Variants in TRIO observed in about 807,000 individuals in gnomAD.
TRIO encodes the protein triple functional domain protein.
A neutral mutation model predicts 351.9 loss-of-function variants in TRIO; 58 were observed. That is an observed-to-expected ratio of 0.16 (90% CI 0.13 to 0.21). The LOEUF (loss-of-function observed/expected upper bound fraction) is 0.21. Among genes scored for constraint, TRIO ranks in the 10% least tolerant of loss-of-function variants. The pLI, the probability that TRIO is intolerant of heterozygous loss-of-function variation, is 1.00. For missense variants in TRIO, 3,201 were observed against 4,027.8 expected (o/e 0.79, Z 5.56); for synonymous variants, 1,758 against 1,595.7 (o/e 1.10, Z -2.42).
intron 23 of TRIO, 88 bp from the exon 24 acceptor site, chr5:14,388,525 C>T (rs1746750396): frequency 7.9e-7 from 1 of 1,273,634 alleles, no homozygotes; most frequent in Non-Finnish European, 1.1e-6. Flanking sequence ...ACTTTTAGAC[C>T]CACTCTGTTA....
chr5:14,338,208 T>C (rs1312175330), intron 11 of TRIO, among the ~76,000 whole-genome samples: 2 of 152,178 alleles, frequency 1.3e-5, no homozygotes, highest in African/African-American at 4.8e-5. Context: ...AGAGTAATTT[T>C]TCTGAAATAG....
intron 11 of TRIO, among the ~76,000 whole-genome samples, chr5:14,343,884 G>T (rs976506860): frequency 6.6e-6 from 1 of 152,232 alleles, no homozygotes; most frequent in African/African-American, 2.4e-5. Flanking sequence ...ATTACCACCA[G>T]AAATGTATGT....
At chr5:14,174,275 G>A (rs1789278004) in intron 1 of TRIO, among the ~76,000 whole-genome samples, 2 of 152,178 alleles carry the variant, frequency 1.3e-5, no homozygotes, top group South Asian at 4.1e-4. Context: ...AGCAAAAAAG[G>A]AAATTTATTT....
intron 1 of TRIO, among the ~76,000 whole-genome samples, chr5:14,264,117 A>G (rs916426034): frequency 1.3e-5 from 2 of 152,222 alleles, no homozygotes; most frequent in Non-Finnish European, 2.9e-5. Context: ...TAATTAAAAC[A>G]TCAAACCTTA....
chr5:14,157,969 T>G (rs1788218289), intron 1 of TRIO, among the ~76,000 whole-genome samples: 1 of 152,210 alleles, frequency 6.6e-6, no homozygotes, highest in Admixed American at 6.5e-5. Flanking sequence ...TCATATATTA[T>G]GTTCTGTACT....
At chr5:14,332,355 A>G (rs1374842261) in intron 10 of TRIO, among the ~76,000 whole-genome samples, 2 of 152,206 alleles carry the variant, frequency 1.3e-5, no homozygotes, top group African/African-American at 2.4e-5. Flanking sequence ...TTTTAAAAGA[A>G]AAGCAGACCA....
At chr5:14,504,761 T>C in intron 55 of TRIO, 168 bp downstream of exon 55, 1 of 814,352 alleles carries the variant, frequency 1.2e-6, no homozygotes, top group Non-Finnish European at 1.9e-6. Flanking sequence ...CTTCCAGTAA[T>C]GGCAGAAAGC....
chr5:14,502,726 G>T, intron 54 of TRIO, 69 bp downstream of exon 54: 1 of 1,468,396 alleles, frequency 6.8e-7, no homozygotes, highest in South Asian at 1.1e-5. Flanking sequence ...GAGAGTGCAG[G>T]GATAAAGCTA....
intron 7 of TRIO, 27 bp downstream of exon 7, chr5:14,297,290 G>A (rs1157564983): frequency 1.5e-5 from 24 of 1,603,006 alleles, no homozygotes; most frequent in Middle Eastern, 1.7e-4. Context: ...CCCAGCCCAC[G>A]AGGTGGTAAC....
At chr5:14,296,351 GA>G (rs1737361997) in intron 6 of TRIO, among the ~76,000 whole-genome samples, 1 of 152,244 alleles carries the variant, frequency 6.6e-6, no homozygotes, top group Non-Finnish European at 1.5e-5. Flanking sequence ...GAGCCTTAAA[GA>G]ACTTTGGAGG....
intron 33 of TRIO, among the ~76,000 whole-genome samples, chr5:14,412,110 C>T (rs1749257332): frequency 1.3e-5 from 2 of 152,096 alleles, no homozygotes; most frequent in South Asian, 2.1e-4. Context: ...GCCTCAGCCC[C>T]TCTTGTAGCT....
intron 41 of TRIO, among the ~76,000 whole-genome samples, chr5:14,478,228 T>G (rs1755236271): frequency 6.6e-6 from 1 of 152,220 alleles, no homozygotes; most frequent in Non-Finnish European, 1.5e-5. Context: ...TACTCCCTGG[T>G]TGAGTTTTAA....
At chr5:14,150,315 G>T (rs1008082051) in intron 1 of TRIO, among the ~76,000 whole-genome samples, 1 of 151,920 alleles carries the variant, frequency 6.6e-6, no homozygotes, top group Non-Finnish European at 1.5e-5. Flanking sequence ...AGGGGGTGGG[G>T]GAGTATGGCT....
intron 1 of TRIO, among the ~76,000 whole-genome samples, chr5:14,248,483 G>C (rs1056886446): frequency 6.6e-6 from 1 of 152,226 alleles, no homozygotes; most frequent in South Asian, 2.1e-4. Flanking sequence ...TATGTTGACT[G>C]TGTGGATTAA....
chr5:14,278,832 CA>C (rs1326684941), intron 2 of TRIO, among the ~76,000 whole-genome samples: 1 of 152,140 alleles, frequency 6.6e-6, no homozygotes, highest in Non-Finnish European at 1.5e-5. Context: ...CTCTAAGGAC[CA>C]GGAACCCGTT....
chr5:14,389,359 T>C lies in TRIO; in HGVS notation c.4019T>C (p.Ile1340Thr), dbSNP rs1484452911. The C allele has an allele frequency of 6.2e-7, 1 of 1,612,058 alleles. No homozygotes were observed. Among genetic ancestry groups the C allele is most frequent in the Non-Finnish European group, 8.5e-7 (1 of 1,179,302 alleles). ...PPGIVNKELI[I>T]FGNMQEIYEF... ...GGCATTGTAAACAAAGAACTCATCATCTTCGGAAACATGCAAGAAATCTAC... is the reference window on the plus strand; with the variant it reads ...GGCATTGTAAACAAAGAACTCATCACCTTCGGAAACATGCAAGAAATCTAC... The change falls in exon 25 of 57, where the codon ATC becomes ACC. Residue 1340 changes from isoleucine to threonine, a missense_variant. By Grantham distance (89) the Ile-to-Thr change is moderately conservative. Around this residue, in one of 19 missense-constraint regions of TRIO, gnomAD observed 115 missense variants for 239.6 expected, o/e 0.48. Transcript: ENST00000344204.
In TRIO at chr5:14,388,050, T is replaced by TA. The variant is rs2152362073; in HGVS notation, c.3881+204dup. The stretch of plus-strand genomic sequence containing the variant: ...TGGTTCAGAAACAGCATCTAGTTTT[T>TA]ATCCCTGTGCCTGTGTTTCATTTGG... On this transcript the variant is annotated intron_variant, in intron 23 of 56. Coordinates refer to ENST00000344204, the MANE Select transcript of TRIO (RefSeq NM_007118.4). 8 of 563,280 alleles carry TA rather than the reference T, an allele frequency of 1.4e-5. No homozygotes were observed. In the South Asian group the frequency reaches 1.5e-4, roughly 11 times the overall value. The allele number at this position is 563,280 out of a possible 1,614,324, so 34.9% of individuals were successfully genotyped here. A position where few individuals can be genotyped will look rare whatever the true frequency, so the allele number is the denominator to read the frequency against.
At position 14,428,528 on chromosome 5, in the gene TRIO, C is replaced by T. The variant is rs953843093; in HGVS notation, c.5203+8507C>T. ...AAGACGCTGTCCCTTTCCTGAGCAC[C>T]GTGCAGCCAAGACTGAGAGATCAGT... is the stretch of plus-strand genomic sequence containing the variant. On this transcript the variant is annotated intron_variant, in intron 34 of 56. Coordinates refer to ENST00000344204, the MANE Select transcript of TRIO (RefSeq NM_007118.4). Among the ~76,000 whole-genome samples, 6 of 152,110 alleles carry T rather than the reference C, an allele frequency of 3.9e-5. No homozygotes were observed. The East Asian group carries it at 9.6e-4, about 24-fold the overall frequency.
intron 34 of TRIO, 128 bp from the exon 35 acceptor site, chr5:14,460,891 G>T (rs929830552): frequency 1.8e-6 from 2 of 1,133,216 alleles, no homozygotes; most frequent in African/African-American, 3.2e-5. Context: ...CTCACACCCC[G>T]TAGGCAAAGC....
Sources: gnomAD v4.1 joint callset for allele counts (sites outside exome capture counted in the v4.1 genomes callset) on GRCh38, gnomAD v4.1.1 for gene constraint, gnomAD v4.1.1 regional missense constraint, MANE v1.5 for transcripts, NCBI Gene and HGNC (gene_info 2026-07-23, HGNC 2026-07-21) for gene names.